The following AMBN variants were observed in gnomAD, a reference collection of about 807,000 sequenced individuals.
AMBN encodes the protein ameloblastin.
AMBN carries 54 observed loss-of-function variants against 48.0 expected under a neutral mutation model. The ratio of observed to expected loss-of-function variants is 1.12; its 90% CI spans 0.90 to 1.41. The LOEUF (loss-of-function observed/expected upper bound fraction) is 1.41. AMBN is among the 40% of genes most tolerant of loss of function. AMBN has a pLI of 0.00. For missense variants in AMBN, 571 were observed against 547.3 expected (o/e 1.04, Z -0.43); for synonymous variants, 186 against 190.0 (o/e 0.98, Z 0.17).
chr4:70,601,654 G>A lies in AMBN; in HGVS notation c.531G>A (p.Glu177=). 3 of 1,613,530 alleles carry A rather than the reference G, an allele frequency of 1.9e-6. No homozygotes were observed. Among genetic ancestry groups the A allele is most frequent in the Middle Eastern group, 1.7e-4 (1 of 6,058 alleles). ...CATCAGATAAGCCACCAAAGCCTGA[G>A]GTACTTCCTTTCTCTTGAAGTCAGA... The part of the protein sequence containing the change: ...VAPSDKPPKP[E]LPGVDFADPQ... Residue 177 remains glutamate (E), a splice_region_variant and synonymous_variant, in exon 6 of 13, where the codon GAG becomes GAA. Transcript: ENST00000322937.
rs560984875 is a variant in AMBN, at chr4:70,597,746, G to A, written c.136-610G>A. ...CTTATTTCACATGGAAGCTAATTTC[G>A]CTGAGGGTTTTTTTCTCACTTTTTA... On this transcript the variant is annotated intron_variant, in intron 3 of 12. Transcript: ENST00000322937. Among the ~76,000 whole-genome samples the A allele has an allele frequency of 9.2e-5, 14 of 152,182 alleles. No individual in the cohort carries two copies. In the South Asian group the frequency reaches 1.9e-3, roughly 20 times the overall value.
Position 70,607,074 on chromosome 4 carries a change from C to T in AMBN, c.*344C>T, listed in dbSNP as rs998521570. ...GCATGACACTATTATATTCAGGAAA[C>T]ATGGCACTGCTTTTTTCTCTAAGCA... On this transcript the variant is annotated 3_prime_UTR_variant, in exon 13 of 13. Coordinates refer to ENST00000322937, the MANE Select transcript of AMBN (RefSeq NM_016519.6). The T allele has an allele frequency of 1.6e-5, 3 of 190,230 alleles. No homozygotes were observed. Among genetic ancestry groups the T allele is most frequent in the Non-Finnish European group, 3.2e-5 (3 of 92,594 alleles). 11.8% of individuals were successfully genotyped at this position (190,230 alleles called of 1,614,324 possible).
intron 5 of AMBN, among the ~76,000 whole-genome samples, chr4:70,600,868 T>G (rs1014600351): frequency 1.3e-5 from 2 of 152,184 alleles, no homozygotes; most frequent in Admixed American, 6.6e-5. Context: ...GTTTCTTAAC[T>G]TAATTGTTTC....
chr4:70,592,860 T>C (rs1258361929), intron 1 of AMBN, among the ~76,000 whole-genome samples: 1 of 152,182 alleles, frequency 6.6e-6, no homozygotes, highest in East Asian at 1.9e-4. Context: ...TGATGTACCC[T>C]CTATTCCTGC....
chr4:70,603,936 C>T lies in AMBN; in HGVS notation c.798+15C>T, dbSNP rs766963001. ...AAGAAGTGGCAGTGAGTAATGTCTT[C>T]TAACTCTTCTTAAAATAGTGGCCAG... On this transcript the variant is annotated intron_variant, in intron 12 of 12. Coordinates refer to ENST00000322937, the MANE Select transcript of AMBN (RefSeq NM_016519.6). The T allele has an allele frequency of 1.9e-6, 3 of 1,613,214 alleles. No homozygotes were observed. The highest frequency in any genetic ancestry group is 2.5e-6 in the Non-Finnish European group (3 of 1,179,394).
At position 70,598,336 on chromosome 4, in the gene AMBN, C is replaced by G. The variant is rs781578161; in HGVS notation, c.136-20C>G. On this transcript the variant is annotated intron_variant, in intron 3 of 12. Transcript: ENST00000322937. ...CACAGCATATGCGATAAACAGTAAC[C>G]CACTTTTTTTTCTTGATAGACAATG... is the stretch of plus-strand genomic sequence containing the variant. 4 of 1,550,868 alleles carry G rather than the reference C, an allele frequency of 2.6e-6. No individual in the cohort carries two copies. Among genetic ancestry groups the G allele is most frequent in the Non-Finnish European group, 2.6e-6 (3 of 1,147,136 alleles).
chr4:70,592,731 A>T (rs1183845274), intron 1 of AMBN, among the ~76,000 whole-genome samples: 13 of 152,196 alleles, frequency 8.5e-5, no homozygotes, highest in African/African-American at 3.1e-4. Flanking sequence ...TTTTAGGAAG[A>T]GGAAAGCTAA....
chr4:70,596,923 C>G (rs1737395564), intron 2 of AMBN, 76 bp from the exon 3 acceptor site: 4 of 1,322,572 alleles, frequency 3.0e-6, no homozygotes, highest in Non-Finnish European at 4.3e-6. Flanking sequence ...TGTACTGGAG[C>G]AATATCCTAC....
Position 70,601,605 on chromosome 4 carries a change from C to T in AMBN, c.482C>T (p.Pro161Leu). ...CTGCCCTTGCAGGAAGGAGAACTGC[C>T]TCTGGTTCAGCAGCAGGTGGCACCA... ...GHLPLQEGELPLVQQQVAPSD... is the reference protein window; with the variant it reads ...GHLPLQEGELLLVQQQVAPSD... Residue 161 changes from proline to leucine, a missense_variant, in exon 6 of 13, where the codon CCT becomes CTT. By Grantham distance (98) the Pro-to-Leu change is moderately conservative. Transcript: ENST00000322937. 6.2e-7 allele frequency: 1 copy of T among 1,614,158 alleles called. No homozygotes were observed. Among genetic ancestry groups the T allele is most frequent in the Non-Finnish European group, 8.5e-7 (1 of 1,180,006 alleles).
At chr4:70,604,019 T>A (rs988200546) in intron 12 of AMBN, 98 bp downstream of exon 12, 2 of 1,199,534 alleles carry the variant, frequency 1.7e-6, no homozygotes, top group Admixed American at 3.8e-5. Context: ...TGTAGCCAAA[T>A]GAGCATGGGA....
intron 4 of AMBN, 76 bp downstream of exon 4, chr4:70,598,479 A>G: frequency 2.5e-6 from 3 of 1,206,340 alleles, no homozygotes; most frequent in Non-Finnish European, 3.4e-6. Context: ...AATTCATCAA[A>G]TTTATTTATG....
At chr4:70,601,739 C>A in intron 6 of AMBN, 85 bp downstream of exon 6, 1 of 1,270,350 alleles carries the variant, frequency 7.9e-7, no homozygotes, top group Non-Finnish European at 1.1e-6. Flanking sequence ...TTTAAATAAT[C>A]GTAGCCTTCA....
intron 6 of AMBN, chr4:70,601,944 C>G (rs1263567290): frequency 1.9e-6 from 1 of 528,014 alleles, no homozygotes; most frequent in South Asian, 1.5e-5. Flanking sequence ...AGAATAAAAC[C>G]CCAGAGAAGT....
chr4:70,606,026 G>C (rs965998429), intron 12 of AMBN, among the ~76,000 whole-genome samples, 159 bp from the exon 13 acceptor site: 9 of 152,146 alleles, frequency 5.9e-5, no homozygotes, highest in African/African-American at 2.2e-4. Flanking sequence ...TTCAAAGCCA[G>C]TTTAGTGAGA....
At chr4:70,603,170 C>A in intron 9 of AMBN, 90 bp from the exon 10 acceptor site, 2 of 1,373,858 alleles carry the variant, frequency 1.5e-6, no homozygotes, top group Non-Finnish European at 1.0e-6. Flanking sequence ...TATACTAATC[C>A]ATCTGAAAAT....
At position 70,606,896 on chromosome 4, in the gene AMBN, C is replaced by G. The variant is rs1737673484; in HGVS notation, c.*166C>G. On this transcript the variant is annotated 3_prime_UTR_variant, in exon 13 of 13. Coordinates refer to ENST00000322937, the MANE Select transcript of AMBN (RefSeq NM_016519.6). ...GGCTAGAAATAGTGTAGGTCCCCTT[C>G]TTGCTTTCAATATCTTGTTGAAATA... 1 of 710,350 alleles carries G rather than the reference C, an allele frequency of 1.4e-6. No homozygotes were observed. Among genetic ancestry groups the G allele is most frequent in the South Asian group, 2.4e-5 (1 of 40,820 alleles). The allele number at this position is 710,350 out of a possible 1,614,324, so 44.0% of individuals were successfully genotyped here.
intron 5 of AMBN, among the ~76,000 whole-genome samples, 163 bp from the exon 6 acceptor site, chr4:70,601,255 C>T (rs1357216303): frequency 6.6e-6 from 1 of 152,138 alleles, no homozygotes; most frequent in Non-Finnish European, 1.5e-5. Context: ...CCCCAAACAA[C>T]ATTAACACTA....
At position 70,603,458 on chromosome 4, in the gene AMBN, T is replaced by C. The variant is rs375793904; in HGVS notation, c.751T>C (p.Leu251=). 22 of 1,611,764 alleles carry C rather than the reference T, an allele frequency of 1.4e-5. No homozygotes were observed. Among genetic ancestry groups the C allele is most frequent in the Non-Finnish European group, 1.5e-5 (18 of 1,179,408 alleles). Residue 251 remains leucine (L), a splice_region_variant and synonymous_variant, in exon 11 of 13, where the codon TTG becomes CTG. Transcript: ENST00000322937. ...MLYVPFGANQ[L]NAPARLGIMS... ...GTACGTGCCTTTTGGAGCAAATCAA[T>C]TGGTAAGTCCATATTCTATAAAAAG...
rs538877012 is a variant in AMBN, at chr4:70,599,679, C to T, written c.294+33C>T. 6 of 1,509,700 alleles carry T rather than the reference C, an allele frequency of 4.0e-6. 1 individual carries two copies. The highest frequency in any genetic ancestry group is 2.3e-5 in the East Asian group (1 of 43,856). 93.5% of individuals were successfully genotyped at this position (1,509,700 alleles called of 1,614,324 possible). A position where few individuals can be genotyped will look rare whatever the true frequency, so the allele number is the denominator to read the frequency against. On this transcript the variant is annotated intron_variant, in intron 5 of 12. Transcript: ENST00000322937. ...AATAGCATCAATATGTTTGAAACCT[C>T]AGGCTTTAAAACCTCTTCTTACTTG... is the stretch of plus-strand genomic sequence containing the variant.
Sources: gnomAD v4.1 joint callset for allele counts (sites outside exome capture counted in the v4.1 genomes callset) on GRCh38, gnomAD v4.1.1 for gene constraint, MANE v1.5 for transcripts, NCBI Gene and HGNC (gene_info 2026-07-23, HGNC 2026-07-21) for gene names.